Variants in NLGN4X observed in about 807,000 individuals in gnomAD.
NLGN4X encodes the protein neuroligin-4, X-linked.
In NLGN4X, 3 loss-of-function variants were observed where a neutral mutation model predicts 40.3. The observed-to-expected ratio is 0.07, with a 90% confidence interval of 0.03 to 0.19. The LOEUF (loss-of-function observed/expected upper bound fraction) is 0.19, where lower values mean the gene tolerates loss of function less well. NLGN4X is among the 10% of genes least tolerant of loss of function. NLGN4X has a pLI of 1.00. For missense variants in NLGN4X, 382 were observed against 708.3 expected (o/e 0.54, Z 5.23); for synonymous variants, 270 against 306.8 (o/e 0.88, Z 1.25).
intron 2 of NLGN4X, among the ~76,000 whole-genome samples, chrX:6,082,948 G>GTTTTTTT (rs930625574): frequency 0.014 from 960 of 70,286 alleles, 99 homozygotes; most frequent in Non-Finnish European, 0.019. Context: ...GCCATGATGC[G>GTTTTTTT]TTTTTTTCTT....
intron 2 of NLGN4X, among the ~76,000 whole-genome samples, chrX:6,052,710 T>C (rs762996588): frequency 8.9e-6 from 1 of 112,324 alleles, no homozygotes; most frequent in South Asian, 3.7e-4. Context: ...ATATTTAGAA[T>C]TGAAGCCCCT....
intron 2 of NLGN4X, among the ~76,000 whole-genome samples, chrX:6,143,314 T>C (rs1260696829): frequency 8.9e-6 from 1 of 112,092 alleles, no homozygotes; most frequent in Non-Finnish European, 1.9e-5. Context: ...AAGTTTTGGT[T>C]GGAGGAGGAA....
At chrX:5,939,744 T>A (rs1459103043) in intron 3 of NLGN4X, among the ~76,000 whole-genome samples, 1 of 111,582 alleles carries the variant, frequency 9.0e-6, no homozygotes, top group Non-Finnish European at 1.9e-5. Flanking sequence ...CCCAGTTATG[T>A]TCCAGAATTA....
rs777465581 is a variant in NLGN4X, at chrX:6,006,654, A to C, written c.625+22626T>G. ...CCCACCTCTCTTCAGCATGGGACTT[A>C]TCTGTGGTCTTGTAACTAGAAATTA... On this transcript the variant is annotated intron_variant, in intron 3 of 5. Coordinates refer to ENST00000381095, the MANE Select transcript of NLGN4X (RefSeq NM_181332.3). Among the ~76,000 whole-genome samples, 3 of 111,741 alleles carry C rather than the reference A, an allele frequency of 2.7e-5. No individual in the cohort carries two copies. In the South Asian group the frequency reaches 1.1e-3, roughly 42 times the overall value.
chrX:5,912,075 T>A (rs1387606120), intron 3 of NLGN4X, among the ~76,000 whole-genome samples: 2 of 112,127 alleles, frequency 1.8e-5, no homozygotes, highest in Non-Finnish European at 3.8e-5. Context: ...AAAATTTGCC[T>A]TTTTAAAACT....
chrX:6,133,682 A>G (rs2039738212), intron 2 of NLGN4X, among the ~76,000 whole-genome samples: 1 of 111,835 alleles, frequency 8.9e-6, no homozygotes, highest in African/African-American at 3.2e-5. Flanking sequence ...AGTCACTGGA[A>G]GCCTGGATGG....
intron 1 of NLGN4X, among the ~76,000 whole-genome samples, chrX:6,196,164 G>C (rs1478152704): frequency 3.6e-5 from 4 of 110,949 alleles, no homozygotes; most frequent in African/African-American, 1.3e-4. Flanking sequence ...TTACAGGTTT[G>C]TTTAAATACA....
At chrX:6,133,867 G>A (rs979166602) in intron 2 of NLGN4X, among the ~76,000 whole-genome samples, 1 of 111,806 alleles carries the variant, frequency 8.9e-6, no homozygotes, top group African/African-American at 3.3e-5. Flanking sequence ...AAAATAAAGG[G>A]TAAGATAGTA....
chrX:5,941,180 G>GGTGT (rs3220455), intron 3 of NLGN4X, among the ~76,000 whole-genome samples: 1,085 of 58,562 alleles, frequency 0.019, 36 homozygotes, highest in East Asian at 0.038. Context: ...TATGCTAGGG[G>GGTGT]GTGTGTGTGT....
At chrX:6,175,753 C>T (rs2147787311) in intron 1 of NLGN4X, among the ~76,000 whole-genome samples, 1 of 107,349 alleles carries the variant, frequency 9.3e-6, no homozygotes, top group Non-Finnish European at 1.9e-5. Flanking sequence ...GAACTCTTTA[C>T]AAGTTAATCT....
chrX:6,064,658 C>T (rs1031965359), intron 2 of NLGN4X, among the ~76,000 whole-genome samples: 8 of 110,571 alleles, frequency 7.2e-5, no homozygotes, highest in African/African-American at 2.6e-4. Flanking sequence ...GCAAGTGCAG[C>T]GGGAATGGCC....
At chrX:6,009,508 T>G (rs1436844720) in intron 3 of NLGN4X, among the ~76,000 whole-genome samples, 2 of 112,570 alleles carry the variant, frequency 1.8e-5, no homozygotes, top group African/African-American at 3.2e-5. Context: ...TTGTGTATTA[T>G]TGAGAATGTC....
chrX:6,170,974 C>A (rs1037280385), intron 1 of NLGN4X, among the ~76,000 whole-genome samples: 1 of 111,083 alleles, frequency 9.0e-6, no homozygotes, highest in Non-Finnish European at 1.9e-5. Context: ...CAGCCACACA[C>A]CACCATGCCC....
At chrX:6,117,801 T>C (rs904053514) in intron 2 of NLGN4X, among the ~76,000 whole-genome samples, 10 of 112,216 alleles carry the variant, frequency 8.9e-5, no homozygotes, top group African/African-American at 3.2e-4. Context: ...TGAGTGGATG[T>C]GCAATGCCAC....
chrX:5,980,799 C>T (rs1297577265), intron 3 of NLGN4X, among the ~76,000 whole-genome samples: 1 of 111,045 alleles, frequency 9.0e-6, no homozygotes, highest in Non-Finnish European at 1.9e-5. Flanking sequence ...ATTAATATAG[C>T]TCTATACTAA....
intron 2 of NLGN4X, among the ~76,000 whole-genome samples, chrX:6,049,676 C>G (rs775696579): frequency 5.7e-4 from 53 of 93,660 alleles, no homozygotes; most frequent in Middle Eastern, 0.013. Flanking sequence ...TCAGAAAAAA[C>G]TCTTAAGAGG....
At chrX:5,935,034 A>G (rs1343282098) in intron 3 of NLGN4X, among the ~76,000 whole-genome samples, 2 of 111,903 alleles carry the variant, frequency 1.8e-5, no homozygotes, top group Non-Finnish European at 3.8e-5. Context: ...CTACACAGCT[A>G]CTATTAGTCG....
At chrX:6,056,588 G>A (rs2037637982) in intron 2 of NLGN4X, among the ~76,000 whole-genome samples, 1 of 112,296 alleles carries the variant, frequency 8.9e-6, no homozygotes, top group Non-Finnish European at 1.9e-5. Flanking sequence ...GAATTGTCTA[G>A]AAACATGCGT....
intron 3 of NLGN4X, among the ~76,000 whole-genome samples, chrX:5,950,398 A>AATGGTTTCTTCGGGCACTCTTGC (rs2034268701): frequency 8.9e-6 from 1 of 112,232 alleles, no homozygotes; most frequent in African/African-American, 3.2e-5. Context: ...AATTGGTATC[A>AATGGTTTCTTCGGGCACTCTTGC]ATGGTTTCTT....
Sources: allele counts gnomAD v4.1 joint callset (sites outside exome capture counted in the v4.1 genomes callset), GRCh38; gene constraint gnomAD v4.1.1; transcripts MANE v1.5; gene names NCBI Gene and HGNC (gene_info 2026-07-23, HGNC 2026-07-21).